The following SLC35A1 variants were observed in gnomAD, a reference collection of about 807,000 sequenced individuals.
SLC35A1 encodes the protein CMP-sialic acid transporter.
A neutral mutation model predicts 40.3 loss-of-function variants in SLC35A1; 21 were observed. The ratio of observed to expected loss-of-function variants is 0.52; its 90% CI spans 0.37 to 0.75. The LOEUF is 0.75. Ranked by LOEUF, SLC35A1 falls within the 30% of genes least tolerant of loss-of-function variation. The probability of loss-of-function intolerance (pLI) is 0.00; values close to 1 mark genes in which losing one functional copy is unlikely to be tolerated. For missense variants in SLC35A1, 297 were observed against 382.1 expected, an observed-to-expected ratio of 0.78 and a Z score of 1.86; for synonymous variants, 146 against 147.3, an observed-to-expected ratio of 0.99 and a Z score of 0.06.
chr6:87,494,787 A>G (rs1005477546), intron 2 of SLC35A1, among the ~76,000 whole-genome samples: 1 of 152,222 alleles, frequency 6.6e-6, no homozygotes, highest in African/African-American at 2.4e-5. Flanking sequence ...TAAACAATAC[A>G]ACATTTAAAA....
chr6:87,479,157 C>T (rs117832060), intron 2 of SLC35A1, among the ~76,000 whole-genome samples: 12,168 of 152,202 alleles, frequency 0.08, 511 homozygotes, highest in East Asian at 0.098. Flanking sequence ...ACTGATTCTT[C>T]GAAGAGAAAT....
At chr6:87,492,545 A>AT (rs59459204) in intron 2 of SLC35A1, among the ~76,000 whole-genome samples, 441 of 115,020 alleles carry the variant, frequency 3.8e-3, no homozygotes, top group South Asian at 6.2e-3. Flanking sequence ...ATTTATCTTG[A>AT]TTTTTTTTTT....
chr6:87,488,839 G>T (rs544366193), intron 2 of SLC35A1, among the ~76,000 whole-genome samples: 8 of 152,176 alleles, frequency 5.3e-5, no homozygotes, highest in South Asian at 2.1e-4. Context: ...GATCAGCAAG[G>T]TTCCAGATCC....
chr6:87,487,279 G>A lies in SLC35A1; in HGVS notation c.194+9740G>A, dbSNP rs1715469653. On this transcript the variant is annotated intron_variant, in intron 2 of 7. Coordinates refer to ENST00000369552, the MANE Select transcript of SLC35A1 (RefSeq NM_006416.5). ...TGACCTCTTTGAGAATGAATTAGAA[G>A]TAGGGAAACAATAGAGGCAAGAGAT... 2.0e-5 allele frequency among the ~76,000 whole-genome samples: 3 copies of A among 152,334 alleles called. No individual in the cohort carries two copies. In the South Asian group the frequency reaches 6.2e-4, roughly 32 times the overall value.
At chr6:87,484,756 G>C (rs1769348521) in intron 2 of SLC35A1, among the ~76,000 whole-genome samples, 1 of 152,192 alleles carries the variant, frequency 6.6e-6, no homozygotes, top group Non-Finnish European at 1.5e-5. Context: ...TCAGAGTGGA[G>C]AGGGTAATCG....
chr6:87,505,895 G>C (rs1019815771), intron 4 of SLC35A1, among the ~76,000 whole-genome samples: 7 of 152,152 alleles, frequency 4.6e-5, no homozygotes, highest in Admixed American at 4.6e-4. Flanking sequence ...AGTGTGTATA[G>C]ACAATGTATC....
chr6:87,501,353 ACTTC>A, intron 4 of SLC35A1, 43 bp downstream of exon 4: 1 of 1,583,130 alleles, frequency 6.3e-7, no homozygotes, highest in Non-Finnish European at 8.6e-7. Flanking sequence ...TAAATAGAAA[ACTTC>A]CTTAAGTCTT....
chr6:87,490,959 G>A (rs1316077011), intron 2 of SLC35A1, among the ~76,000 whole-genome samples: 3 of 152,214 alleles, frequency 2.0e-5, no homozygotes, highest in Non-Finnish European at 1.5e-5. Context: ...ATTCAGAATT[G>A]TTGCTATTGA....
intron 2 of SLC35A1, among the ~76,000 whole-genome samples, chr6:87,481,233 A>AAGGTTTAG (rs1769234205): frequency 1.3e-5 from 2 of 152,136 alleles, no homozygotes. Flanking sequence ...CCTGGCCAAC[A>AAGGTTTAG]TGGAGAAACC....
chr6:87,478,226 G>T (rs1769131347), intron 2 of SLC35A1, among the ~76,000 whole-genome samples: 2 of 152,184 alleles, frequency 1.3e-5, no homozygotes, highest in African/African-American at 4.8e-5. Context: ...ATAAGAGAGG[G>T]TTAAGAATTA....
chr6:87,479,087 GT>G (rs375689933), intron 2 of SLC35A1, among the ~76,000 whole-genome samples: 94 of 152,292 alleles, frequency 6.2e-4, no homozygotes, highest in African/African-American at 2.2e-3. Context: ...ATCAGAAAAG[GT>G]TGCTTTACGA....
chr6:87,510,241 C>T (rs1215556880), intron 7 of SLC35A1, among the ~76,000 whole-genome samples: 1 of 152,156 alleles, frequency 6.6e-6, no homozygotes, highest in African/African-American at 2.4e-5. Context: ...TATAGGCTTT[C>T]CCTTAGATGT....
chr6:87,482,671 T>G (rs1769277977), intron 2 of SLC35A1, among the ~76,000 whole-genome samples: 1 of 152,178 alleles, frequency 6.6e-6, no homozygotes, highest in Admixed American at 6.5e-5. Context: ...TCCTTCTAGG[T>G]CTGGTCGGAC....
In SLC35A1 at chr6:87,489,276, T is replaced by A. The variant is rs530667102; in HGVS notation, c.195-11232T>A. Among the ~76,000 whole-genome samples, 13 of 126,242 alleles carry A rather than the reference T, an allele frequency of 1.0e-4. No homozygotes were observed. The East Asian group carries it at 2.6e-3, about 25-fold the overall frequency. 82.8% of individuals were successfully genotyped at this position (126,242 alleles called of 152,430 possible). A position where few individuals can be genotyped will look rare whatever the true frequency, so the allele number is the denominator to read the frequency against. ...CGGGGTCTAGTGGGAGGTGTTTAGG[T>A]TGTGGGGGCAAATTCCTCATGAATG... On this transcript the variant is annotated intron_variant, in intron 2 of 7. Transcript: ENST00000369552.
intron 2 of SLC35A1, among the ~76,000 whole-genome samples, chr6:87,479,872 A>AC (rs1000524981): frequency 1.3e-5 from 2 of 152,110 alleles, no homozygotes; most frequent in Non-Finnish European, 2.9e-5. Flanking sequence ...TCCCCGTGGG[A>AC]CTCCAATTGC....
chr6:87,478,605 A>G (rs1769147257), intron 2 of SLC35A1, among the ~76,000 whole-genome samples: 1 of 152,234 alleles, frequency 6.6e-6, no homozygotes, highest in African/African-American at 2.4e-5. Context: ...GTGATGAGAC[A>G]GTTGATAATG....
intron 4 of SLC35A1, among the ~76,000 whole-genome samples, chr6:87,504,851 T>C (rs564311410): frequency 6.6e-6 from 1 of 152,356 alleles, no homozygotes; most frequent in South Asian, 2.1e-4. Flanking sequence ...GGATAGGTGG[T>C]ATCTCACACT....
rs1582200914 is a variant in SLC35A1 at position 87,511,656 on chromosome 6, AAAC to A, written c.*139_*141del. 14 of 967,788 alleles carry A rather than the reference AAAC, an allele frequency of 1.4e-5. No individual in the cohort carries two copies. Among genetic ancestry groups the A allele is most frequent in the African/African-American group, 3.2e-5 (2 of 62,152 alleles). The allele number at this position is 967,788 out of a possible 1,614,324, so 60.0% of individuals were successfully genotyped here. ...TGGCATGATCAGTGCGGTTATGTGG[AAAC>A]AACAACAAACAAACGAAGCTATCTG... On this transcript the variant is annotated 3_prime_UTR_variant, in exon 8 of 8. Transcript: ENST00000369552.
intron 1 of SLC35A1, among the ~76,000 whole-genome samples, chr6:87,475,874 T>C (rs958735248): frequency 1.3e-5 from 2 of 152,256 alleles, no homozygotes; most frequent in African/African-American, 4.8e-5. Flanking sequence ...CTGGAAAGCC[T>C]AAAATATTTG....
Sources: gnomAD v4.1 joint callset for allele counts (sites outside exome capture counted in the v4.1 genomes callset) on GRCh38, gnomAD v4.1.1 for gene constraint, MANE v1.5 for transcripts, NCBI Gene and HGNC (gene_info 2026-07-23, HGNC 2026-07-21) for gene names.